FAM53B: variants seen among roughly 807,000 people sequenced by gnomAD.
FAM53B encodes the protein protein FAM53B.
FAM53B carries 12 observed loss-of-function variants against 32.7 expected under a neutral mutation model. That is an observed-to-expected ratio of 0.37 (90% CI 0.24 to 0.59). The LOEUF is 0.59. FAM53B is among the 20% of genes least tolerant of loss of function. The pLI, the probability that FAM53B is intolerant of heterozygous loss-of-function variation, is 0.72. For synonymous variants in FAM53B, 234 were observed against 228.7 expected, an observed-to-expected ratio of 1.02 and a Z score of -0.21; for missense variants, 477 against 577.7, an observed-to-expected ratio of 0.83 and a Z score of 1.79.
intron 4 of FAM53B, among the ~76,000 whole-genome samples, chr10:124,670,874 T>G (rs553286423): frequency 6.6e-6 from 1 of 152,328 alleles, no homozygotes; most frequent in African/African-American, 2.4e-5. Context: ...GCCTGCCTGT[T>G]GTAGGCCTGA....
chr10:124,712,907 G>A (rs1460384652), intron 1 of FAM53B, among the ~76,000 whole-genome samples: 1 of 152,194 alleles, frequency 6.6e-6, no homozygotes, highest in Non-Finnish European at 1.5e-5. Context: ...ACGGTGGCAG[G>A]GGGCCCCTGC....
intron 4 of FAM53B, among the ~76,000 whole-genome samples, chr10:124,670,014 G>A (rs778341993): frequency 4.6e-5 from 7 of 152,108 alleles, no homozygotes; most frequent in Admixed American, 2.6e-4. Context: ...TGCAAACACC[G>A]GCCCGTGGAT....
chr10:124,680,739 T>A (rs1949764538), intron 4 of FAM53B, among the ~76,000 whole-genome samples: 1 of 152,124 alleles, frequency 6.6e-6, no homozygotes, highest in African/African-American at 2.4e-5. Context: ...CCAGAAAAGA[T>A]GATGGTCAGA....
chr10:124,729,416 C>T (rs776359669), intron 1 of FAM53B, among the ~76,000 whole-genome samples: 5 of 152,176 alleles, frequency 3.3e-5, no homozygotes, highest in African/African-American at 9.7e-5. Flanking sequence ...TTTCCACGTA[C>T]GACCTCTTAA....
chr10:124,735,506 G>A (rs1244647138), intron 1 of FAM53B, among the ~76,000 whole-genome samples: 1 of 152,220 alleles, frequency 6.6e-6, no homozygotes, highest in Non-Finnish European at 1.5e-5. Context: ...ATCTGAGAGA[G>A]GAAGATGCTG....
chr10:124,668,326 T>A (rs1949686697), intron 4 of FAM53B, among the ~76,000 whole-genome samples: 1 of 152,194 alleles, frequency 6.6e-6, no homozygotes, highest in Non-Finnish European at 1.5e-5. Flanking sequence ...CACAGCAGGG[T>A]GTTTCTAGCC....
intron 3 of FAM53B, among the ~76,000 whole-genome samples, chr10:124,685,981 C>T (rs1949799980): frequency 6.6e-6 from 1 of 152,152 alleles, no homozygotes. Context: ...ATCTCCACAT[C>T]ATTCCCCACA....
chr10:124,739,343 G>T (rs902751860), intron 1 of FAM53B, among the ~76,000 whole-genome samples: 3 of 152,262 alleles, frequency 2.0e-5, no homozygotes, highest in Non-Finnish European at 4.4e-5. Context: ...TTTGCTTTGA[G>T]AATTAGAGAG....
chr10:124,655,607 T>A (rs1402724316), intron 4 of FAM53B, among the ~76,000 whole-genome samples: 1 of 152,152 alleles, frequency 6.6e-6, no homozygotes, highest in African/African-American at 2.4e-5. Context: ...GACTGCTTAA[T>A]GGCAGAGCTG....
At chr10:124,732,731 C>A (rs7086357) in intron 1 of FAM53B, among the ~76,000 whole-genome samples, 6 of 151,978 alleles carry the variant, frequency 3.9e-5, no homozygotes, top group Admixed American at 3.9e-4. Context: ...TAGTGGCACA[C>A]GCCCATAGTC....
At chr10:124,633,858 C>T (rs549036280) in intron 4 of FAM53B, among the ~76,000 whole-genome samples, 3 of 151,914 alleles carry the variant, frequency 2.0e-5, no homozygotes, top group Admixed American at 2.0e-4. Flanking sequence ...TTTATCATCT[C>T]GTGAGAAAAA....
chr10:124,712,223 G>A (rs74420937), intron 1 of FAM53B, among the ~76,000 whole-genome samples: 3 of 152,192 alleles, frequency 2.0e-5, no homozygotes, highest in South Asian at 4.2e-4. Context: ...TGGCATGGTG[G>A]TGCATGCCTG....
chr10:124,667,335 G>T (rs1589744044), intron 4 of FAM53B: 2 of 716,600 alleles, frequency 2.8e-6, no homozygotes, highest in East Asian at 2.6e-5. Flanking sequence ...TATGTGGCTT[G>T]AGTTCTGGTT....
Position 124,667,445 on chromosome 10 carries a change from A to G in FAM53B, c.906+14162T>C, listed in dbSNP as rs769336056. 3 of 762,188 alleles carry G rather than the reference A, an allele frequency of 3.9e-6. No individual in the cohort carries two copies. The South Asian group carries it at 4.2e-5, about 11-fold the overall frequency. 47.2% of individuals were successfully genotyped at this position (762,188 alleles called of 1,614,324 possible). ...TCTGGAGGAGAAAATACAACAGGTG[A>G]GTTTCTTCTGCAAATCATCCCCCAC... On this transcript the variant is annotated intron_variant, in intron 4 of 4. Coordinates refer to ENST00000337318, the MANE Select transcript of FAM53B (RefSeq NM_014661.4).
chr10:124,663,110 GGACCCCAGAA>G (rs1949645122), intron 4 of FAM53B, among the ~76,000 whole-genome samples: 3 of 152,220 alleles, frequency 2.0e-5, no homozygotes, highest in African/African-American at 7.2e-5. Flanking sequence ...ATGTGAGTGT[GGACCCCAGAA>G]GACCACAAGG....
At chr10:124,649,251 C>T (rs529659152) in intron 4 of FAM53B, among the ~76,000 whole-genome samples, 1 of 152,364 alleles carries the variant, frequency 6.6e-6, no homozygotes, top group East Asian at 1.9e-4. Context: ...TGGATTATTT[C>T]GAAGTTTCCA....
At chr10:124,666,871 T>A (rs1363608832) in intron 4 of FAM53B, among the ~76,000 whole-genome samples, 1 of 151,970 alleles carries the variant, frequency 6.6e-6, no homozygotes. Context: ...GGTCCTCAGG[T>A]CTCCTGGGGC....
chr10:124,654,601 C>T (rs1440474564), intron 4 of FAM53B, among the ~76,000 whole-genome samples: 1 of 152,190 alleles, frequency 6.6e-6, no homozygotes, highest in African/African-American at 2.4e-5. Context: ...CTGCCCAGGG[C>T]GAGGGTAGAA....
At position 124,623,449 on chromosome 10, in the gene FAM53B, C is replaced by A; in HGVS notation, c.1062G>T (p.Pro354=). 1.3e-6 allele frequency: 2 copies of A among 1,593,050 alleles called. No individual in the cohort carries two copies. Among genetic ancestry groups the A allele is most frequent in the South Asian group, 1.1e-5 (1 of 89,274 alleles). Residue 354 remains proline (P), a synonymous_variant, in exon 5 of 5, where the codon CCG becomes CCT. Coordinates refer to ENST00000337318, the MANE Select transcript of FAM53B (RefSeq NM_014661.4). ...GPGGRTPAGT[P]VPEPLPPSFD... ...AGGAAGGGGGAAGAGGCTCAGGGAC[C>A]GGGGTCCCAGCGGGGGTCCTGCCCC...
Sources: gnomAD v4.1 joint callset for allele counts (sites outside exome capture counted in the v4.1 genomes callset) on GRCh38, gnomAD v4.1.1 for gene constraint, MANE v1.5 for transcripts, NCBI Gene and HGNC (gene_info 2026-07-23, HGNC 2026-07-21) for gene names.